Variants in AP4E1 observed in about 807,000 individuals in gnomAD.
AP4E1 encodes the protein adaptor related protein complex 4 subunit epsilon 1, also known as AP-4 complex subunit epsilon-1.
Under a neutral mutation model 128.2 loss-of-function variants are expected in AP4E1, and 56 were observed. The ratio of observed to expected loss-of-function variants is 0.44; its 90% confidence interval spans 0.35 to 0.55. AP4E1 has a LOEUF of 0.55. Among genes scored for constraint, AP4E1 ranks in the 20% least tolerant of loss-of-function variants. The pLI is 0.00. For synonymous variants in AP4E1, 484 were observed against 473.1 expected (o/e 1.02, Z -0.30); for missense variants, 1,324 against 1,307.7 (o/e 1.01, Z -0.19).
chr15:50,919,616 T>G (rs2063671420), intron 3 of AP4E1, among the ~76,000 whole-genome samples: 1 of 152,092 alleles, frequency 6.6e-6, no homozygotes, highest in African/African-American at 2.4e-5. Flanking sequence ...CTTTTATATG[T>G]ATCATTTTAT....
Position 50,941,775 on chromosome 15 carries a change from G to A in AP4E1, c.1176G>A (p.Glu392=), listed in dbSNP as rs377764432. ...ATCCTGATCCCATTATTAAAAGAGA[G>A]GTAAACTGGTATTTTGAATAGTATA... The part of the protein sequence containing the change: ...LDHPDPIIKR[E]TLELLYRITN... Residue 392 remains glutamate, a splice_region_variant and synonymous_variant, in exon 10 of 21, where the codon GAG becomes GAA. Coordinates refer to ENST00000261842, the MANE Select transcript of AP4E1 (RefSeq NM_007347.5). 1.9e-6 allele frequency: 3 copies of A among 1,600,042 alleles called. No individual in the cohort carries two copies. Among genetic ancestry groups the A allele is most frequent in the African/African-American group, 1.3e-5 (1 of 74,478 alleles).
intron 5 of AP4E1, among the ~76,000 whole-genome samples, chr15:50,928,755 C>CA (rs1488950972): frequency 9.9e-5 from 14 of 141,816 alleles, no homozygotes; most frequent in African/African-American, 1.3e-4. Context: ...ATGCTTGTTA[C>CA]AAAAAAAAAT....
intron 15 of AP4E1, among the ~76,000 whole-genome samples, chr15:50,974,504 T>A (rs778679243): frequency 2.0e-5 from 3 of 152,102 alleles, no homozygotes; most frequent in Non-Finnish European, 4.4e-5. Context: ...TGAGCTCAAG[T>A]GATCCTCCTA....
In AP4E1 at chr15:50,945,710, G is replaced by C. The variant is rs2064051753; in HGVS notation, c.1177-2310G>C. On this transcript the variant is annotated intron_variant, in intron 10 of 20. Coordinates refer to ENST00000261842, the MANE Select transcript of AP4E1 (RefSeq NM_007347.5). ...TGTGGATCTGATGAAATGAACATTT[G>C]CCTGTGGAAAGCTAATGCTTCTGAA... 4 of 785,478 alleles carry C rather than the reference G, an allele frequency of 5.1e-6. No individual in the cohort carries two copies. The Admixed American group carries it at 6.9e-5, about 14-fold the overall frequency. The allele number at this position is 785,478 out of a possible 1,614,324, so 48.7% of individuals were successfully genotyped here. A position where few individuals can be genotyped will look rare whatever the true frequency, so the allele number is the denominator to read the frequency against.
At chr15:50,950,915 C>A (rs1034242105) in intron 13 of AP4E1, among the ~76,000 whole-genome samples, 2 of 152,178 alleles carry the variant, frequency 1.3e-5, no homozygotes, top group Admixed American at 6.5e-5. Flanking sequence ...ATAATGGCTT[C>A]CAGCTTCATC....
intron 6 of AP4E1, 129 bp from the exon 7 acceptor site, chr15:50,930,676 G>A (rs2063822335): frequency 1.1e-6 from 1 of 911,484 alleles, no homozygotes; most frequent in Non-Finnish European, 1.7e-6. Flanking sequence ...ACATATTAGA[G>A]CACTGTTTCA....
chr15:50,924,954 TA>T, intron 4 of AP4E1, 143 bp from the exon 5 acceptor site: 2 of 1,010,022 alleles, frequency 2.0e-6, no homozygotes, highest in Non-Finnish European at 2.9e-6. Context: ...AGCATTGCAA[TA>T]AAATATGCCA....
At position 50,993,896 on chromosome 15, in the gene AP4E1, A is replaced by G. The variant is rs56010315; in HGVS notation, c.2346+271A>G. Among the ~76,000 whole-genome samples the G allele has an allele frequency of 0.019, 2,820 of 152,326 alleles. 104 individuals carry two copies. Among genetic ancestry groups the G allele is most frequent in the African/African-American group, 0.065 (2,682 of 41,560 alleles). Reference sequence around the variant, plus strand: ...TCAGGCTCCAAATAAGGTTACAGGTATGACCACAGCCACTCTCACCCCTGT... The same window carrying G: ...TCAGGCTCCAAATAAGGTTACAGGTGTGACCACAGCCACTCTCACCCCTGT... On this transcript the variant is annotated intron_variant, in intron 17 of 20. Transcript: ENST00000261842.
intron 2 of AP4E1, among the ~76,000 whole-genome samples, chr15:50,913,322 G>A (rs1486008312): frequency 1.3e-5 from 2 of 152,170 alleles, no homozygotes; most frequent in African/African-American, 2.4e-5. Flanking sequence ...AGATAGAAAC[G>A]TTAAACAGAA....
Position 51,002,671 on chromosome 15 carries a change from C to T in AP4E1, c.*9C>T. 1 of 1,613,858 alleles carries T rather than the reference C, an allele frequency of 6.2e-7. No individual in the cohort carries two copies. The highest frequency in any genetic ancestry group is 1.3e-5 in the African/African-American group (1 of 75,022). On this transcript the variant is annotated 3_prime_UTR_variant, in exon 21 of 21. Coordinates refer to ENST00000261842, the MANE Select transcript of AP4E1 (RefSeq NM_007347.5). Reference sequence around the variant, plus strand: ...TGATGGAGGGATCCTAGCAGAAGCCCTGCTAAATTTTACTCCATCAAGATC... The same window carrying T: ...TGATGGAGGGATCCTAGCAGAAGCCTTGCTAAATTTTACTCCATCAAGATC...
Position 50,958,508 on chromosome 15 carries a change from C to T in AP4E1, c.1565C>T (p.Ser522Phe), listed in dbSNP as rs763865916. 1 of 1,611,916 alleles carries T rather than the reference C, an allele frequency of 6.2e-7. No homozygotes were observed. The highest frequency in any genetic ancestry group is 8.5e-7 in the Non-Finnish European group (1 of 1,178,770). ...QVMSWVLGEY[S>F]YLLDKETPEE... ...TATTTACAGGTATTAGGGGAATATT[C>T]CTACCTCTTAGATAAGGAAACGCCA... The change falls in exon 14 of 21, where the codon TCC (serine) becomes TTC (phenylalanine). Residue 522 changes from serine to phenylalanine, a missense_variant. Coordinates refer to ENST00000261842, the MANE Select transcript of AP4E1 (RefSeq NM_007347.5).
chr15:50,951,726 C>T (rs368783400), intron 13 of AP4E1, among the ~76,000 whole-genome samples: 178 of 125,980 alleles, frequency 1.4e-3, no homozygotes, highest in African/African-American at 4.5e-3. Context: ...AATTTTCTTT[C>T]TTTTTTTTTT....
chr15:50,925,169 A>T lies in AP4E1; in HGVS notation c.492A>T (p.Glu164Asp), dbSNP rs2063753936. The change falls in exon 5 of 21, where the codon GAA (glutamate) becomes GAT (aspartate). Residue 164 changes from glutamate (E) to aspartate (D), a missense_variant. Coordinates refer to ENST00000261842, the MANE Select transcript of AP4E1 (RefSeq NM_007347.5). ...LTVVSQIFPCEMIPAVLPLIE... is the reference protein window; with the variant it reads ...LTVVSQIFPCDMIPAVLPLIE... The stretch of plus-strand genomic sequence containing the variant: ...TTGTTAGCCAGATTTTCCCCTGCGA[A>T]ATGATTCCAGCTGTTCTTCCATTAA... 1.2e-6 allele frequency: 2 copies of T among 1,613,708 alleles called. No homozygotes were observed. The highest frequency in any genetic ancestry group is 3.3e-5 in the Admixed American group (2 of 60,000).
chr15:50,944,953 A>G, intron 10 of AP4E1: 1 of 766,704 alleles, frequency 1.3e-6, no homozygotes, highest in Non-Finnish European at 2.4e-6. Context: ...AACCTGACTC[A>G]ACAGAAATGT....
At chr15:50,937,472 T>C (rs1456672279) in intron 8 of AP4E1, among the ~76,000 whole-genome samples, 1 of 152,238 alleles carries the variant, frequency 6.6e-6, no homozygotes, top group African/African-American at 2.4e-5. Flanking sequence ...AAGTGGTGTA[T>C]AGGATATGAA....
chr15:50,920,277 C>G (rs1314041554), intron 3 of AP4E1, among the ~76,000 whole-genome samples: 2 of 151,792 alleles, frequency 1.3e-5, no homozygotes, highest in South Asian at 4.2e-4. Context: ...CCGTGCCTAG[C>G]TAATTTTTTG....
intron 8 of AP4E1, among the ~76,000 whole-genome samples, chr15:50,937,818 A>G (rs1239895645): frequency 6.6e-6 from 1 of 152,134 alleles, no homozygotes; most frequent in Non-Finnish European, 1.5e-5. Context: ...CTGAAAGGAT[A>G]ATTTATGGTG....
In AP4E1 at chr15:50,986,452, A is replaced by G. The variant is rs568955964; in HGVS notation, c.2090+2307A>G. On this transcript the variant is annotated intron_variant, in intron 16 of 20. Coordinates refer to ENST00000261842, the MANE Select transcript of AP4E1 (RefSeq NM_007347.5). ...TGATATTGGCTGTGGGTTTGTCATA[A>G]ATAGCTCTTATTATTTTGAGATACG... 3.9e-3 allele frequency among the ~76,000 whole-genome samples: 582 copies of G among 150,216 alleles called. 6 individuals carry two copies. Among genetic ancestry groups the G allele is most frequent in the African/African-American group, 0.014 (564 of 40,794 alleles).
intron 14 of AP4E1, among the ~76,000 whole-genome samples, chr15:50,967,597 C>T (rs925411981): frequency 6.6e-6 from 1 of 152,214 alleles, no homozygotes; most frequent in African/African-American, 2.4e-5. Flanking sequence ...ATGTCTGTTT[C>T]TTCTGGTGGG....
Sources: allele counts gnomAD v4.1 joint callset (sites outside exome capture counted in the v4.1 genomes callset), GRCh38; gene constraint gnomAD v4.1.1; transcripts MANE v1.5; gene names NCBI Gene and HGNC (gene_info 2026-07-23, HGNC 2026-07-21).